The following PCDHA8 variants were observed in gnomAD, a reference collection of about 807,000 sequenced individuals.
PCDHA8 encodes protocadherin alpha-8.
A neutral mutation model predicts 61.8 loss-of-function variants in PCDHA8; 53 were observed. The ratio of observed to expected loss-of-function variants is 0.86; its 90% CI spans 0.69 to 1.08. PCDHA8 has a LOEUF of 1.08. PCDHA8 is among the 50% of genes least tolerant of loss of function. PCDHA8 has a pLI of 0.00. For synonymous variants in PCDHA8, 618 were observed against 556.6 expected (o/e 1.11, Z -1.55); for missense variants, 1,293 against 1,245.0 (o/e 1.04, Z -0.58).
At chr5:140,960,063 T>G (rs1461377026) in intron 1 of PCDHA8, among the ~76,000 whole-genome samples, 1 of 152,232 alleles carries the variant, frequency 6.6e-6, no homozygotes, top group Non-Finnish European at 1.5e-5. Flanking sequence ...GTACAGAAGA[T>G]TCAATTGAAG....
intron 1 of PCDHA8, among the ~76,000 whole-genome samples, chr5:140,912,892 A>T (rs1554195590): frequency 2.0e-5 from 3 of 152,210 alleles, no homozygotes. Context: ...TTCTGTTGAT[A>T]TGATGTATCA....
chr5:140,995,314 G>A (rs2097676013), intron 3 of PCDHA8, among the ~76,000 whole-genome samples: 1 of 152,140 alleles, frequency 6.6e-6, no homozygotes, highest in Admixed American at 6.5e-5. Context: ...CTTTCTAAGT[G>A]AACTAACAGG....
At chr5:140,923,910 C>T (rs1280601799) in intron 1 of PCDHA8, among the ~76,000 whole-genome samples, 5 of 152,156 alleles carry the variant, frequency 3.3e-5, no homozygotes, top group African/African-American at 1.2e-4. Flanking sequence ...GTGAAGATTT[C>T]CCATACTGTT....
chr5:140,882,182 G>GACT (rs1284192603), intron 1 of PCDHA8: 2 of 1,518,394 alleles, frequency 1.3e-6, no homozygotes, highest in African/African-American at 2.8e-5. Flanking sequence ...TCCGCACTAG[G>GACT]AAGCCATAAA....
At chr5:140,892,236 C>T (rs1490048562) in intron 1 of PCDHA8, among the ~76,000 whole-genome samples, 3 of 152,140 alleles carry the variant, frequency 2.0e-5, no homozygotes, top group African/African-American at 7.2e-5. Context: ...TTTGTCTCCA[C>T]ATAAACCTGG....
intron 3 of PCDHA8, among the ~76,000 whole-genome samples, chr5:140,993,515 G>T (rs1351377291): frequency 6.7e-6 from 1 of 149,364 alleles, no homozygotes; most frequent in East Asian, 1.9e-4. Context: ...CACACGGGGA[G>T]AGAGAGACAG....
intron 1 of PCDHA8, among the ~76,000 whole-genome samples, chr5:140,961,915 G>A (rs1393178053): frequency 2.0e-5 from 3 of 147,010 alleles, no homozygotes; most frequent in East Asian, 4.0e-4. Context: ...ATGGAGTCTC[G>A]CTCTGTTGCC....
At chr5:140,991,320 A>G (rs1563572656) in intron 3 of PCDHA8, among the ~76,000 whole-genome samples, 1 of 152,216 alleles carries the variant, frequency 6.6e-6, no homozygotes, top group Non-Finnish European at 1.5e-5. Context: ...CGCATGATAC[A>G]TGAAGGGAAT....
At chr5:140,862,494 G>A (rs1008951764) in intron 1 of PCDHA8, 2 of 389,834 alleles carry the variant, frequency 5.1e-6, no homozygotes, top group South Asian at 2.0e-5. Context: ...GTAATCGCTC[G>A]GAATGGGGAC....
intron 1 of PCDHA8, among the ~76,000 whole-genome samples, chr5:140,906,323 A>G (rs1487570044): frequency 1.3e-5 from 2 of 152,212 alleles, no homozygotes; most frequent in Non-Finnish European, 2.9e-5. Context: ...AACATGATAC[A>G]ACTATCCTTC....
At chr5:140,850,499 G>C (rs2150486529) in intron 1 of PCDHA8, 2 of 1,598,056 alleles carry the variant, frequency 1.3e-6, no homozygotes, top group East Asian at 2.2e-5. Flanking sequence ...TGCTGGTGTC[G>C]CTGGTGGAGA....
In PCDHA8 at chr5:140,968,471, G is replaced by A. The variant is rs531821868; in HGVS notation, c.2395-10478G>A. On this transcript the variant is annotated intron_variant, in intron 1 of 3. Coordinates refer to ENST00000531613, the MANE Select transcript of PCDHA8 (RefSeq NM_018911.3). ...CAGCACTGTGACTGCCAACGTATAT[G>A]TGGTGGACATGAATGACCATGCCCC... 3.3e-5 allele frequency: 54 copies of A among 1,614,154 alleles called. No homozygotes were observed. The South Asian group carries it at 5.7e-4, about 17-fold the overall frequency.
At chr5:140,964,107 G>A (rs1298844061) in intron 1 of PCDHA8, among the ~76,000 whole-genome samples, 1 of 152,090 alleles carries the variant, frequency 6.6e-6, no homozygotes, top group Non-Finnish European at 1.5e-5. Flanking sequence ...AACAGTCTGA[G>A]CAATCACATT....
intron 1 of PCDHA8, among the ~76,000 whole-genome samples, chr5:140,922,818 C>T (rs530870255): frequency 6.6e-6 from 1 of 152,208 alleles, no homozygotes; most frequent in Admixed American, 6.5e-5. Flanking sequence ...GGAGATACAG[C>T]ATACTGCTAA....
chr5:141,009,707 A>C lies in PCDHA8; in HGVS notation c.2623A>C (p.Asn875His). 6.2e-7 allele frequency: 1 copy of C among 1,614,144 alleles called. No individual in the cohort carries two copies. Among genetic ancestry groups the C allele is most frequent in the African/African-American group, 1.3e-5 (1 of 75,024 alleles). The change falls in exon 4 of 4, where the codon AAC becomes CAC. Residue 875 changes from asparagine (N) to histidine (H), a missense_variant. By Grantham distance (68) the Asn-to-His change is moderately conservative. Transcript: ENST00000531613. ...CTGGACCTTTAAATACGGACCAGGC[A>C]ACCCCAAACAATCCGGTCCCGGTGA... is the stretch of plus-strand genomic sequence containing the variant. ...NSWTFKYGPG[N>H]PKQSGPGELP...
At chr5:140,915,290 C>G (rs1583944127) in intron 1 of PCDHA8, among the ~76,000 whole-genome samples, 1 of 152,254 alleles carries the variant, frequency 6.6e-6, no homozygotes, top group African/African-American at 2.4e-5. Flanking sequence ...ACTCTTTCTA[C>G]TTAAGATAAG....
chr5:140,899,607 TC>T (rs1301087468), intron 1 of PCDHA8, among the ~76,000 whole-genome samples: 11 of 152,322 alleles, frequency 7.2e-5, no homozygotes, highest in African/African-American at 2.6e-4. Flanking sequence ...GACTTTTGCA[TC>T]AATGTTCATC....
intron 1 of PCDHA8, chr5:140,857,549 C>G (rs1554150197): frequency 6.3e-7 from 1 of 1,596,826 alleles, no homozygotes; most frequent in Admixed American, 1.7e-5. Flanking sequence ...GTTGGGCGAG[C>G]GCTCGCTGTC....
Position 140,968,070 on chromosome 5 carries a change from A to G in PCDHA8, c.2395-10879A>G, listed in dbSNP as rs377189542. On this transcript the variant is annotated intron_variant, in intron 1 of 3. Transcript: ENST00000531613. The stretch of plus-strand genomic sequence containing the variant: ...CTGGACCGAGAGCGGGTGGCTGTCT[A>G]CAACATCACGGTGACAGCCACAGAT... 3.5e-5 allele frequency: 57 copies of G among 1,614,034 alleles called. No homozygotes were observed. The highest frequency in any genetic ancestry group is 1.6e-4 in the Middle Eastern group (1 of 6,082).
Sources: gnomAD v4.1 joint callset for allele counts (sites outside exome capture counted in the v4.1 genomes callset) on GRCh38, gnomAD v4.1.1 for gene constraint, MANE v1.5 for transcripts, NCBI Gene and HGNC (gene_info 2026-07-23, HGNC 2026-07-21) for gene names.